Variants in TMC5 observed in about 807,000 individuals in gnomAD.
TMC5 encodes transmembrane channel-like protein 5.
A neutral mutation model predicts 110.5 loss-of-function variants in TMC5; 86 were observed. The ratio of observed to expected loss-of-function variants is 0.78; its 90% CI spans 0.65 to 0.93. TMC5 has a LOEUF of 0.93. TMC5 is among the 40% of genes least tolerant of loss of function. The probability of loss-of-function intolerance (pLI) is 0.00; values close to 1 mark genes in which losing one functional copy is unlikely to be tolerated. For synonymous variants in TMC5, 455 were observed against 439.5 expected, an observed-to-expected ratio of 1.04 and a Z score of -0.44; for missense variants, 1,144 against 1,222.8, an observed-to-expected ratio of 0.94 and a Z score of 0.96.
At chr16:19,459,882 C>CA (rs1350651342) in intron 5 of TMC5, among the ~76,000 whole-genome samples, 1 of 135,540 alleles carries the variant, frequency 7.4e-6, no homozygotes, top group Non-Finnish European at 1.5e-5. Context: ...TGTGCCACTG[C>CA]ACTCTAGCCT....
intron 2 of TMC5, among the ~76,000 whole-genome samples, chr16:19,434,521 G>T (rs951195324): frequency 6.7e-6 from 1 of 148,564 alleles, no homozygotes; most frequent in Non-Finnish European, 1.5e-5. Flanking sequence ...TGGGGGTCTT[G>T]CTATGTTGCC....
intron 2 of TMC5, among the ~76,000 whole-genome samples, chr16:19,437,420 C>G (rs1415490654): frequency 6.6e-6 from 1 of 152,194 alleles, no homozygotes; most frequent in Non-Finnish European, 1.5e-5. Flanking sequence ...ACCACAAAAG[C>G]GAGAAATGGA....
intron 2 of TMC5, among the ~76,000 whole-genome samples, chr16:19,434,445 C>A (rs1967292925): frequency 4.4e-5 from 5 of 113,756 alleles, no homozygotes; most frequent in South Asian, 2.8e-4. Context: ...TCATATATAT[C>A]TATTATATAT....
intron 12 of TMC5, among the ~76,000 whole-genome samples, chr16:19,475,802 C>CTTTTTT (rs1032784346): frequency 3.5e-4 from 45 of 127,330 alleles, no homozygotes; most frequent in Non-Finnish European, 5.2e-4. Context: ...AATTTTCTTT[C>CTTTTTT]TTTTTTTTTT....
intron 10 of TMC5, among the ~76,000 whole-genome samples, 173 bp from the exon 11 acceptor site, chr16:19,471,915 C>A (rs1968351557): frequency 6.6e-6 from 1 of 152,152 alleles, no homozygotes; most frequent in East Asian, 1.9e-4. Flanking sequence ...CATGCACCAC[C>A]ACGCCCGGCT....
intron 12 of TMC5, among the ~76,000 whole-genome samples, chr16:19,476,316 C>T (rs1056532164): frequency 6.6e-6 from 1 of 151,908 alleles, no homozygotes; most frequent in Non-Finnish European, 1.5e-5. Context: ...CACTGCACTC[C>T]AGTTTGGGTA....
At chr16:19,418,436 T>C (rs1966905035) in intron 1 of TMC5, among the ~76,000 whole-genome samples, 1 of 152,096 alleles carries the variant, frequency 6.6e-6, no homozygotes, top group Non-Finnish European at 1.5e-5. Flanking sequence ...AGCTCCCACT[T>C]CCACAGGTGG....
chr16:19,423,317 C>G (rs1967024493), intron 1 of TMC5, among the ~76,000 whole-genome samples: 1 of 152,212 alleles, frequency 6.6e-6, no homozygotes, highest in African/African-American at 2.4e-5. Flanking sequence ...AGCACACTCA[C>G]TGCAGTTGTG....
At position 19,471,800 on chromosome 16, in the gene TMC5, G is replaced by T. The variant is rs949424569; in HGVS notation, c.1783-288G>T. ...GTTTGAGACAGAGTCTCACTCTGTC[G>T]CCCAGGCTGGAGTGCAGTGGTGCCA... On this transcript the variant is annotated intron_variant, in intron 10 of 21. Coordinates refer to ENST00000542583, the MANE Select transcript of TMC5 (RefSeq NM_001261841.2). Among the ~76,000 whole-genome samples, 60 of 151,786 alleles carry T rather than the reference G, an allele frequency of 4.0e-4. 1 individual carries two copies. The highest frequency in any genetic ancestry group is 8.7e-4 in the Non-Finnish European group (59 of 67,930).
At position 19,473,345 on chromosome 16, in the gene TMC5, CAAAAAAAAAAAAAAAAAAAA is replaced by C. The variant is rs35872301; in HGVS notation, c.1939-763_1939-744del. On this transcript the variant is annotated intron_variant, in intron 11 of 21. Coordinates refer to ENST00000542583, the MANE Select transcript of TMC5 (RefSeq NM_001261841.2). ...TGGGCAACAGAGCGAGACTCCGGCTCAAAAAAAAAAAAAAAAAAAAAAAAAAAAAAAAAAAACCAGCAGCA... is the reference window on the plus strand; with the variant it reads ...TGGGCAACAGAGCGAGACTCCGGCTCAAAAAAAAAAAAAAAACCAGCAGCA... Among the ~76,000 whole-genome samples, 143 of 20,240 alleles carry C rather than the reference CAAAAAAAAAAAAAAAAAAAA, an allele frequency of 7.1e-3. No individual in the cohort carries two copies. The Middle Eastern group carries it at 0.14, about 19-fold the overall frequency. 13.3% of individuals were successfully genotyped at this position (20,240 alleles called of 152,430 possible). A position where few individuals can be genotyped will look rare whatever the true frequency, so the allele number is the denominator to read the frequency against.
intron 18 of TMC5, among the ~76,000 whole-genome samples, chr16:19,491,441 G>A (rs534257238): frequency 4.6e-5 from 7 of 151,890 alleles, no homozygotes; most frequent in African/African-American, 1.4e-4. Context: ...TTCTCTGATC[G>A]TGCCACTGCA....
intron 2 of TMC5, among the ~76,000 whole-genome samples, chr16:19,431,866 C>T (rs771560653): frequency 5.9e-5 from 9 of 152,194 alleles, no homozygotes; most frequent in East Asian, 3.8e-4. Context: ...TTCTTTGTGA[C>T]GGTTCCATGG....
chr16:19,446,724 A>G (rs1967622924), intron 4 of TMC5, among the ~76,000 whole-genome samples: 1 of 152,226 alleles, frequency 6.6e-6, no homozygotes. Flanking sequence ...TGCTAGGTTG[A>G]ATCAGGGCAA....
chr16:19,448,404 G>T (rs560632181), intron 4 of TMC5, among the ~76,000 whole-genome samples: 2 of 151,520 alleles, frequency 1.3e-5, no homozygotes, highest in African/African-American at 2.4e-5. Flanking sequence ...TGTTTGAGCC[G>T]CCCAGAAGTT....
At chr16:19,468,236 A>G (rs530338456) in intron 9 of TMC5, among the ~76,000 whole-genome samples, 1 of 152,216 alleles carries the variant, frequency 6.6e-6, no homozygotes, top group East Asian at 1.9e-4. Context: ...GGGCCTCCCA[A>G]AGTTCTGGGA....
intron 1 of TMC5, among the ~76,000 whole-genome samples, chr16:19,423,527 C>G (rs2143367984): frequency 6.6e-6 from 1 of 152,326 alleles, no homozygotes; most frequent in South Asian, 2.1e-4. Context: ...TTCCCCACTT[C>G]TAAAAATTAT....
intron 2 of TMC5, among the ~76,000 whole-genome samples, chr16:19,437,300 C>G (rs1967370060): frequency 6.6e-6 from 1 of 152,216 alleles, no homozygotes; most frequent in Non-Finnish European, 1.5e-5. Context: ...GTTGTATGCT[C>G]TGACAGAATC....
intron 15 of TMC5, among the ~76,000 whole-genome samples, chr16:19,481,893 A>G (rs1968627892): frequency 6.6e-6 from 1 of 152,034 alleles, no homozygotes; most frequent in African/African-American, 2.4e-5. Flanking sequence ...GCCCTTATAA[A>G]CAAGGCCTGA....
At chr16:19,481,338 G>T in intron 14 of TMC5, 32 bp from the exon 15 acceptor site, 1 of 1,471,390 alleles carries the variant, frequency 6.8e-7, no homozygotes, top group Non-Finnish European at 9.5e-7. Flanking sequence ...GGGAGTTATG[G>T]TTTGGGTACT....
Sources: gnomAD v4.1 joint callset for allele counts (sites outside exome capture counted in the v4.1 genomes callset) on GRCh38, gnomAD v4.1.1 for gene constraint, MANE v1.5 for transcripts, NCBI Gene and HGNC (gene_info 2026-07-23, HGNC 2026-07-21) for gene names.